Variants in HMOX2 observed in about 807,000 individuals in gnomAD.
HMOX2 encodes the protein heme oxygenase (decycling) 2.
In HMOX2, 30 loss-of-function variants were observed where a neutral mutation model predicts 33.7. The observed-to-expected ratio is 0.89, with a 90% confidence interval of 0.67 to 1.21. HMOX2 has a LOEUF of 1.21. Ranked by LOEUF, HMOX2 falls within the 50% of genes most tolerant of loss-of-function variation. The probability of loss-of-function intolerance (pLI) is 0.00; values close to 1 mark genes in which losing one functional copy is unlikely to be tolerated. For missense variants in HMOX2, 403 were observed against 399.1 expected (o/e 1.01, Z -0.08); for synonymous variants, 155 against 155.0 (o/e 1.00, Z 0.00).
chr16:4,497,258 A>G, intron 1 of HMOX2, among the ~76,000 whole-genome samples: 1 of 152,198 alleles, frequency 6.6e-6, no homozygotes, highest in East Asian at 1.9e-4. Context: ...AAGGTTGTTC[A>G]GTGTTGGAAT....
chr16:4,490,877 T>C (rs907634227), intron 1 of HMOX2, among the ~76,000 whole-genome samples: 3 of 152,228 alleles, frequency 2.0e-5, no homozygotes, highest in Admixed American at 6.5e-5. Context: ...GCGTTAGTGC[T>C]GTTGACATTT....
Position 4,507,003 on chromosome 16 carries a change from G to A in HMOX2, c.195G>A (p.Glu65=). 6.2e-7 allele frequency: 1 copy of A among 1,604,638 alleles called. No homozygotes were observed. The highest frequency in any genetic ancestry group is 8.5e-7 in the Non-Finnish European group (1 of 1,171,356). The part of the protein sequence containing the change: ...KDFLKGNIKK[E]LFKLATTALY... ...TCTTGAAAGGCAACATTAAGAAGGA[G>A]CTGTTTAAGGTTTGTGCCCCGCATT... Residue 65 remains glutamate (E), a synonymous_variant, in exon 3 of 6, where the codon GAG becomes GAA. Transcript: ENST00000570646.
intron 1 of HMOX2, among the ~76,000 whole-genome samples, chr16:4,500,639 A>G (rs1227397782): frequency 6.6e-6 from 1 of 152,168 alleles, no homozygotes; most frequent in Non-Finnish European, 1.5e-5. Flanking sequence ...TATAGTCCTT[A>G]GATTATATTC....
chr16:4,479,909 T>A (rs563644696), intron 1 of HMOX2, among the ~76,000 whole-genome samples: 1 of 151,874 alleles, frequency 6.6e-6, no homozygotes, highest in South Asian at 2.1e-4. Context: ...TGGCTAATTT[T>A]TGTATTTTTA....
chr16:4,488,100 C>T (rs1157443581), intron 1 of HMOX2, among the ~76,000 whole-genome samples: 3 of 145,088 alleles, frequency 2.1e-5, no homozygotes, highest in Non-Finnish European at 3.0e-5. Context: ...TCCATTGTTT[C>T]GCTGCAACGA....
At chr16:4,492,976 A>G (rs1306911688) in intron 1 of HMOX2, among the ~76,000 whole-genome samples, 1 of 152,136 alleles carries the variant, frequency 6.6e-6, no homozygotes, top group African/African-American at 2.4e-5. Context: ...GTGGGGAGAA[A>G]AAGGAAATAT....
chr16:4,494,240 C>T (rs201855770), intron 1 of HMOX2, among the ~76,000 whole-genome samples: 4 of 150,504 alleles, frequency 2.7e-5, no homozygotes, highest in Non-Finnish European at 5.9e-5. Context: ...GGCATGAACC[C>T]GGGAGGTGGA....
rs143960474 is a variant in HMOX2 at position 4,491,113 on chromosome 16, G to A, written c.-41-14371G>A. On this transcript the variant is annotated intron_variant, in intron 1 of 5. Transcript: ENST00000570646. ...GTTGGCCCCCAGTGGAGAAACACTGGATTGGAGATTGGTTGTCATGTGATA... is the reference window on the plus strand; with the variant it reads ...GTTGGCCCCCAGTGGAGAAACACTGAATTGGAGATTGGTTGTCATGTGATA... Among the ~76,000 whole-genome samples the A allele has an allele frequency of 1.9e-3, 295 of 152,338 alleles. 1 individual carries two copies. Among genetic ancestry groups the A allele is most frequent in the African/African-American group, 6.5e-3 (272 of 41,574 alleles).
At chr16:4,504,419 G>A (rs2058637394) in intron 1 of HMOX2, among the ~76,000 whole-genome samples, 1 of 144,346 alleles carries the variant, frequency 6.9e-6, no homozygotes, top group African/African-American at 2.6e-5. Flanking sequence ...GGAGTGCAGT[G>A]GCGCGATCTT....
intron 4 of HMOX2, 77 bp from the exon 5 acceptor site, chr16:4,509,332 CTCA>C: frequency 6.5e-7 from 1 of 1,531,034 alleles, no homozygotes; most frequent in Admixed American, 2.0e-5. Flanking sequence ...CAACAGAGAC[CTCA>C]TCTCAAAAGA....
chr16:4,487,903 A>G (rs1283655771), intron 1 of HMOX2, among the ~76,000 whole-genome samples: 3 of 150,474 alleles, frequency 2.0e-5, no homozygotes, highest in African/African-American at 7.4e-5. Flanking sequence ...GCGAGGGGAG[A>G]TCACGCCATT....
chr16:4,479,420 G>C (rs978200594), intron 1 of HMOX2: 1 of 152,180 alleles, frequency 6.6e-6, no homozygotes, highest in East Asian at 1.9e-4. Flanking sequence ...AAAGAGGAGG[G>C]AGTGGACTGG....
In HMOX2 at chr16:4,487,055, G is replaced by A. The variant is rs376680119; in HGVS notation, c.-42+10568G>A. ...AAAGATTGCTTGAGCCCAGGAGTTC[G>A]AGACCAACCTGGGCAACATAGTGAG... is the stretch of plus-strand genomic sequence containing the variant. On this transcript the variant is annotated intron_variant, in intron 1 of 5. Coordinates refer to ENST00000570646, the MANE Select transcript of HMOX2 (RefSeq NM_002134.4). 1.6e-4 allele frequency among the ~76,000 whole-genome samples: 25 copies of A among 152,154 alleles called. No homozygotes were observed. The East Asian group carries it at 4.5e-3, about 27-fold the overall frequency.
At chr16:4,480,894 T>A in intron 1 of HMOX2, among the ~76,000 whole-genome samples, 1 of 150,576 alleles carries the variant, frequency 6.6e-6, no homozygotes, top group African/African-American at 2.4e-5. Context: ...TGTCAGGTGA[T>A]CCACCTACCT....
At chr16:4,476,617 C>A (rs17880760) in intron 1 of HMOX2, 130 bp downstream of exon 1, 2,945 of 152,424 alleles carry the variant, frequency 0.019, 94 homozygotes, top group African/African-American at 0.067. Context: ...CCTTTGGGTC[C>A]CCTGCGCCGG....
chr16:4,477,717 G>T (rs556844386), intron 1 of HMOX2, among the ~76,000 whole-genome samples: 3 of 151,976 alleles, frequency 2.0e-5, no homozygotes, highest in Non-Finnish European at 4.4e-5. Context: ...TCAGGAGTTC[G>T]AGATCAGCCT....
intron 2 of HMOX2, among the ~76,000 whole-genome samples, chr16:4,505,978 C>G (rs1222551346): frequency 6.6e-6 from 1 of 152,208 alleles, no homozygotes; most frequent in East Asian, 1.9e-4. Flanking sequence ...GCAGGGCAGC[C>G]TTTCCTTACT....
chr16:4,479,439 A>G (rs928021005), intron 1 of HMOX2: 3 of 152,308 alleles, frequency 2.0e-5, no homozygotes, highest in Middle Eastern at 3.4e-3. Flanking sequence ...GGCAGGGAAG[A>G]TAGAGCAGTA....
chr16:4,489,260 C>G (rs188669920), intron 1 of HMOX2, among the ~76,000 whole-genome samples: 133 of 152,226 alleles, frequency 8.7e-4, no homozygotes, highest in African/African-American at 3.2e-3. Context: ...TGCTTATTCC[C>G]CCCACAAGGC....
Sources: gnomAD v4.1 joint callset for allele counts (sites outside exome capture counted in the v4.1 genomes callset) on GRCh38, gnomAD v4.1.1 for gene constraint, MANE v1.5 for transcripts, NCBI Gene and HGNC (gene_info 2026-07-23, HGNC 2026-07-21) for gene names.